HYDIN: variants seen among roughly 807,000 people sequenced by gnomAD.
HYDIN encodes the protein axonemal central pair apparatus protein HYDIN.
A neutral mutation model predicts 403.9 loss-of-function variants in HYDIN; 132 were observed. That is an observed-to-expected ratio of 0.33 (90% confidence interval 0.28 to 0.38). The LOEUF (loss-of-function observed/expected upper bound fraction) is 0.38. Ranked by LOEUF, HYDIN falls within the 10% of genes least tolerant of loss-of-function variation. The pLI is 1.00. For missense variants in HYDIN, 2,827 were observed against 5,009.5 expected, an observed-to-expected ratio of 0.56 and a Z score of 13.15; for synonymous variants, 1,202 against 1,891.7, an observed-to-expected ratio of 0.64 and a Z score of 9.46.
Position 71,181,278 on chromosome 16 carries a change from G to A in HYDIN, c.262-2231C>T, listed in dbSNP as rs142237663. The stretch of plus-strand genomic sequence containing the variant: ...ACGGAAATGCAAAGGACCAAGAATA[G>A]ACAAGATACATTCGAAGAACAAGAT... On this transcript the variant is annotated intron_variant, in intron 3 of 85. Transcript: ENST00000393567. 5.6e-4 allele frequency among the ~76,000 whole-genome samples: 84 copies of A among 150,346 alleles called. No homozygotes were observed. In the Middle Eastern group the frequency reaches 0.01, roughly 19 times the overall value.
rs922607381 is a variant in HYDIN, at chr16:70,826,648, T to C, written c.14427+613A>G. 3.4e-5 allele frequency among the ~76,000 whole-genome samples: 5 copies of C among 149,180 alleles called. 1 individual carries two copies. Among genetic ancestry groups the C allele is most frequent in the African/African-American group, 1.3e-4 (5 of 38,724 alleles). On this transcript the variant is annotated intron_variant, in intron 83 of 85. Coordinates refer to ENST00000393567, the MANE Select transcript of HYDIN (RefSeq NM_001270974.2). The stretch of plus-strand genomic sequence containing the variant: ...GATCTGATGAGATGTGATTGGAGCA[T>C]CCTATTCAGTTATTGTAGAAAAGGA...
chr16:70,959,887 G>A (rs2078358896), intron 38 of HYDIN, 67 bp from the exon 39 acceptor site: 1 of 566,802 alleles, frequency 1.8e-6, no homozygotes, highest in Admixed American at 3.5e-5. Flanking sequence ...ATTTACATGG[G>A]TACTGATGGA....
chr16:70,845,687 G>A (rs991774961), intron 75 of HYDIN, among the ~76,000 whole-genome samples: 1 of 135,704 alleles, frequency 7.4e-6, no homozygotes, highest in Non-Finnish European at 1.5e-5. Flanking sequence ...CTTTTTGGTT[G>A]GTAAACTATT....
At chr16:71,092,427 G>C (rs557647976) in intron 11 of HYDIN, among the ~76,000 whole-genome samples, 176 of 151,956 alleles carry the variant, frequency 1.2e-3, no homozygotes, top group African/African-American at 4.1e-3. Context: ...TAGCATATTT[G>C]AGACATTATG....
In HYDIN at chr16:71,175,604, T is replaced by C; in HGVS notation, c.516+3A>G. On this transcript the variant is annotated splice_donor_region_variant and intron_variant, in intron 5 of 85. Coordinates refer to ENST00000393567, the MANE Select transcript of HYDIN (RefSeq NM_001270974.2). ...TCCAATTTCTTGCCATTCCTGGTAT[T>C]ACCTTGTTCTCCTCTGGAGTAAAGA... is the stretch of plus-strand genomic sequence containing the variant. 1 of 1,613,920 alleles carries C rather than the reference T, an allele frequency of 6.2e-7. No homozygotes were observed. The highest frequency in any genetic ancestry group is 8.5e-7 in the Non-Finnish European group (1 of 1,179,866).
chr16:71,053,591 C>T (rs1354069656), intron 18 of HYDIN, among the ~76,000 whole-genome samples: 1 of 150,328 alleles, frequency 6.7e-6, no homozygotes, highest in Non-Finnish European at 1.5e-5. Flanking sequence ...GATTTATATA[C>T]ATTTTAGAAG....
intron 5 of HYDIN, among the ~76,000 whole-genome samples, chr16:71,172,381 G>T (rs1025715388): frequency 6.6e-6 from 1 of 152,144 alleles, no homozygotes; most frequent in Admixed American, 6.5e-5. Flanking sequence ...TAATGGTAAA[G>T]ATACAAATTT....
chr16:70,941,772 G>C lies in HYDIN; in HGVS notation c.6717C>G (p.Leu2239=), dbSNP rs763502686. 6 of 1,580,448 alleles carry C rather than the reference G, an allele frequency of 3.8e-6. No homozygotes were observed. The African/African-American group carries it at 6.8e-5, about 18-fold the overall frequency. Residue 2239 remains leucine, a synonymous_variant, in exon 43 of 86, where the codon CTC becomes CTG. Coordinates refer to ENST00000393567, the MANE Select transcript of HYDIN (RefSeq NM_001270974.2). ...RGVVFDGLDT[L]FAQNAAAALL... ...GGGCGGCTGCAGCATTCTGAGCAAAGAGAGTGTCGAGGCCATCAAACACCA... is the reference window on the plus strand; with the variant it reads ...GGGCGGCTGCAGCATTCTGAGCAAACAGAGTGTCGAGGCCATCAAACACCA...
intron 50 of HYDIN, among the ~76,000 whole-genome samples, chr16:70,904,518 T>TTTTTTTTGG (rs767375464): frequency 2.7e-5 from 1 of 37,018 alleles, no homozygotes; most frequent in Non-Finnish European, 5.2e-5. Flanking sequence ...TTTTTTTTTT[T>TTTTTTTTGG]TGAGGGAGTT....
At chr16:70,892,002 G>A (rs2041495653) in intron 56 of HYDIN, 118 bp from the exon 57 acceptor site, 1 of 433,688 alleles carries the variant, frequency 2.3e-6, no homozygotes, top group South Asian at 7.6e-5. Context: ...TTATTTCACT[G>A]TCTTCGTATT....
In HYDIN at chr16:71,223,629, GAAA is replaced by G. The variant is rs34882416; in HGVS notation, c.-24+6930_-24+6932del. On this transcript the variant is annotated intron_variant, in intron 1 of 85. Transcript: ENST00000393567. ...ACAAGGAGCTCAAACAAATCAGCAAGAAAAAAAAAAAAACAAATAATCCCTTCA... is the reference window on the plus strand; with the variant it reads ...ACAAGGAGCTCAAACAAATCAGCAAGAAAAAAAAAACAAATAATCCCTTCA... Among the ~76,000 whole-genome samples, 12 of 144,456 alleles carry G rather than the reference GAAA, an allele frequency of 8.3e-5. 1 individual carries two copies. Among genetic ancestry groups the G allele is most frequent in the African/African-American group, 7.5e-5 (3 of 40,268 alleles). 94.8% of individuals were successfully genotyped at this position (144,456 alleles called of 152,430 possible).
At chr16:71,068,857 A>G (rs1217819769) in intron 14 of HYDIN, among the ~76,000 whole-genome samples, 2 of 152,242 alleles carry the variant, frequency 1.3e-5, no homozygotes, top group Non-Finnish European at 2.9e-5. Context: ...AAAGCTGAAT[A>G]AACCAGATAT....
chr16:71,230,537 C>T (rs2041235697), intron 1 of HYDIN, 25 bp downstream of exon 1: 4 of 1,521,470 alleles, frequency 2.6e-6, no homozygotes, highest in Non-Finnish European at 3.5e-6. Flanking sequence ...ACTTTGACCC[C>T]ACAATCTCTG....
At chr16:70,940,494 G>A (rs928818477) in intron 43 of HYDIN, among the ~76,000 whole-genome samples, 1 of 151,676 alleles carries the variant, frequency 6.6e-6, no homozygotes, top group Non-Finnish European at 1.5e-5. Flanking sequence ...TAGTGTGACC[G>A]TATACCATCT....
chr16:71,194,708 GA>G (rs1382434060), intron 1 of HYDIN, among the ~76,000 whole-genome samples: 1 of 152,164 alleles, frequency 6.6e-6, no homozygotes, highest in Non-Finnish European at 1.5e-5. Context: ...GAATTCAAAA[GA>G]AGTTTGGCTA....
chr16:71,026,245 G>A (rs1343806527), intron 20 of HYDIN, among the ~76,000 whole-genome samples: 1 of 152,204 alleles, frequency 6.6e-6, no homozygotes, highest in Non-Finnish European at 1.5e-5. Context: ...CATGCATTAG[G>A]AATTAATATT....
intron 4 of HYDIN, among the ~76,000 whole-genome samples, chr16:71,177,588 G>A (rs2086721868): frequency 6.6e-6 from 1 of 152,178 alleles, no homozygotes; most frequent in African/African-American, 2.4e-5. Flanking sequence ...CCCTTAATGA[G>A]CTGCTGTACC....
chr16:71,182,286 A>G (rs1238248187), intron 3 of HYDIN, among the ~76,000 whole-genome samples: 1 of 152,116 alleles, frequency 6.6e-6, no homozygotes, highest in Non-Finnish European at 1.5e-5. Context: ...TGGAAGTAAC[A>G]TGTTCTGATT....
At chr16:71,002,502 T>C (rs1016010001) in intron 23 of HYDIN, among the ~76,000 whole-genome samples, 3 of 151,310 alleles carry the variant, frequency 2.0e-5, no homozygotes, top group African/African-American at 7.3e-5. Flanking sequence ...CAGTGGGCCA[T>C]GATCATGTCA....
Sources: allele counts gnomAD v4.1 joint callset (sites outside exome capture counted in the v4.1 genomes callset), GRCh38; gene constraint gnomAD v4.1.1; transcripts MANE v1.5; gene names NCBI Gene and HGNC (gene_info 2026-07-23, HGNC 2026-07-21).